The following GPC3 variants were observed in gnomAD, a reference collection of about 807,000 sequenced individuals.
GPC3 encodes the protein glypican 3.
In GPC3, 3 loss-of-function variants were observed where a neutral mutation model predicts 34.4. That is an observed-to-expected ratio of 0.09 (90% CI 0.04 to 0.23). The LOEUF is 0.23. Ranked by LOEUF, GPC3 falls within the 10% of genes least tolerant of loss-of-function variation. The pLI is 1.00. For synonymous variants in GPC3, 177 were observed against 174.0 expected, an observed-to-expected ratio of 1.02 and a Z score of -0.13; for missense variants, 351 against 445.6, an observed-to-expected ratio of 0.79 and a Z score of 1.91.
At chrX:133,698,183 G>A (rs972980880) in intron 4 of GPC3, among the ~76,000 whole-genome samples, 1 of 111,998 alleles carries the variant, frequency 8.9e-6, no homozygotes, top group Admixed American at 9.5e-5. Context: ...GTAGACATTC[G>A]GAAGGGCAAA....
intron 6 of GPC3, 94 bp downstream of exon 6, chrX:133,661,636 C>A (rs2070726162): frequency 4.2e-5 from 1 of 23,782 alleles, no homozygotes; most frequent in Non-Finnish European, 7.1e-5. Context: ...CTCTCTCTCC[C>A]CCCCCCCTCT....
At chrX:133,826,240 A>G (rs1003740170) in intron 2 of GPC3, among the ~76,000 whole-genome samples, 4 of 112,068 alleles carry the variant, frequency 3.6e-5, no homozygotes, top group African/African-American at 9.7e-5. Flanking sequence ...ACTCTGAATC[A>G]GCTATTTTAA....
chrX:133,831,319 G>C (rs955964438), intron 2 of GPC3, among the ~76,000 whole-genome samples: 6 of 112,379 alleles, frequency 5.3e-5, no homozygotes, highest in Non-Finnish European at 1.1e-4. Flanking sequence ...AATATATATG[G>C]TTTTGTGAGA....
intron 6 of GPC3, among the ~76,000 whole-genome samples, chrX:133,657,880 G>A (rs1360155900): frequency 9.7e-6 from 1 of 102,800 alleles, no homozygotes; most frequent in Non-Finnish European, 1.9e-5. Context: ...CTGGATGGAC[G>A]CACATGGGGC....
intron 6 of GPC3, among the ~76,000 whole-genome samples, chrX:133,651,317 A>G (rs1432724079): frequency 1.8e-5 from 2 of 110,046 alleles, no homozygotes; most frequent in Admixed American, 9.7e-5. Context: ...CTCCCACCTC[A>G]ACATACATGT....
chrX:133,659,785 A>G (rs2070700253), intron 6 of GPC3, among the ~76,000 whole-genome samples: 2 of 111,611 alleles, frequency 1.8e-5, no homozygotes, highest in South Asian at 7.6e-4. Context: ...GGAAACTGAG[A>G]TTTTGGCCTC....
At chrX:133,631,370 G>A (rs1232425218) in intron 6 of GPC3, among the ~76,000 whole-genome samples, 2 of 111,725 alleles carry the variant, frequency 1.8e-5, no homozygotes. Context: ...CTTTTGTGGT[G>A]CTTATTTAAC....
intron 2 of GPC3, among the ~76,000 whole-genome samples, chrX:133,899,047 G>C (rs1193701664): frequency 8.9e-6 from 1 of 111,970 alleles, no homozygotes; most frequent in Non-Finnish European, 1.9e-5. Flanking sequence ...GCACACACAT[G>C]TTTTTTAAAT....
At chrX:133,601,255 G>A (rs1036496013) in intron 6 of GPC3, among the ~76,000 whole-genome samples, 2 of 112,091 alleles carry the variant, frequency 1.8e-5, no homozygotes, top group Non-Finnish European at 3.8e-5. Context: ...AAGAAACAAG[G>A]AAGAAAACCC....
intron 2 of GPC3, among the ~76,000 whole-genome samples, chrX:133,833,241 GGA>G (rs1235705921): frequency 9.0e-6 from 1 of 111,086 alleles, no homozygotes; most frequent in Non-Finnish European, 1.9e-5. Context: ...AAATAGATAG[GGA>G]ATGAGCTTGA....
At chrX:133,727,337 G>A (rs1269825587) in intron 3 of GPC3, among the ~76,000 whole-genome samples, 1 of 110,815 alleles carries the variant, frequency 9.0e-6, no homozygotes, top group Admixed American at 9.6e-5. Flanking sequence ...CTTGAGGTCA[G>A]GAGTTCGAAA....
intron 7 of GPC3, among the ~76,000 whole-genome samples, chrX:133,542,353 T>A (rs2069348433): frequency 9.0e-6 from 1 of 111,017 alleles, no homozygotes; most frequent in Non-Finnish European, 1.9e-5. Flanking sequence ...TGGATAGGCA[T>A]GCACAGGGGG....
intron 2 of GPC3, among the ~76,000 whole-genome samples, chrX:133,885,834 C>T (rs2044207574): frequency 9.0e-6 from 1 of 111,440 alleles, no homozygotes; most frequent in Non-Finnish European, 1.9e-5. Flanking sequence ...GTCAGTATTT[C>T]ATTATTGTAA....
chrX:133,667,749 C>T (rs1199835873), intron 5 of GPC3, among the ~76,000 whole-genome samples: 2 of 109,255 alleles, frequency 1.8e-5, no homozygotes, highest in African/African-American at 6.6e-5. Context: ...CCCAGCTACC[C>T]AGGAGGCTCA....
At chrX:133,846,939 AT>A (rs2075849467) in intron 2 of GPC3, among the ~76,000 whole-genome samples, 1 of 111,462 alleles carries the variant, frequency 9.0e-6, no homozygotes, top group Non-Finnish European at 1.9e-5. Flanking sequence ...CAGATAACAG[AT>A]TTTTTTCCTA....
chrX:133,852,830 C>G (rs932944979), intron 2 of GPC3, among the ~76,000 whole-genome samples: 2 of 110,390 alleles, frequency 1.8e-5, no homozygotes, highest in African/African-American at 6.6e-5. Context: ...CCACCTATAA[C>G]TTCTACTTGA....
chrX:133,567,285 T>C (rs1309267144), intron 7 of GPC3, among the ~76,000 whole-genome samples: 1 of 112,126 alleles, frequency 8.9e-6, no homozygotes, highest in Non-Finnish European at 1.9e-5. Flanking sequence ...GCATATCCAA[T>C]CTGTCTCACC....
At chrX:133,564,343 T>C (rs752435556) in intron 7 of GPC3, among the ~76,000 whole-genome samples, 1 of 111,732 alleles carries the variant, frequency 8.9e-6, no homozygotes, top group South Asian at 3.8e-4. Flanking sequence ...CTGGCAGCGT[T>C]GTGTCAGTAC....
chrX:133,975,128 GC>G (rs1569461358), intron 1 of GPC3, among the ~76,000 whole-genome samples: 1 of 110,424 alleles, frequency 9.1e-6, no homozygotes, highest in Admixed American at 9.7e-5. Context: ...CTCAAGTTTA[GC>G]TTTTATTCTC....
Sources: allele counts gnomAD v4.1 joint callset (sites outside exome capture counted in the v4.1 genomes callset), GRCh38; gene constraint gnomAD v4.1.1; transcripts MANE v1.5; gene names NCBI Gene and HGNC (gene_info 2026-07-23, HGNC 2026-07-21).